Variants in RELN observed in about 807,000 individuals in gnomAD.
RELN encodes the protein reelin.
A neutral mutation model predicts 427.6 loss-of-function variants in RELN; 108 were observed. The ratio of observed to expected loss-of-function variants is 0.25; its 90% CI spans 0.22 to 0.30. The LOEUF is 0.30. RELN is among the 10% of genes least tolerant of loss of function. The pLI, the probability that RELN is intolerant of heterozygous loss-of-function variation, is 1.00. For missense variants in RELN, 3,715 were observed against 4,302.8 expected (o/e 0.86, Z 3.82); for synonymous variants, 1,524 against 1,513.4 (o/e 1.01, Z -0.16).
chr7:103,930,197 A>G (rs1563097067), intron 1 of RELN, among the ~76,000 whole-genome samples: 1 of 152,152 alleles, frequency 6.6e-6, no homozygotes. Context: ...CTCCTCAGCT[A>G]GCAGACGTCC....
chr7:103,521,966 T>C (rs1829717864), intron 48 of RELN, 56 bp downstream of exon 48: 2 of 1,564,620 alleles, frequency 1.3e-6, no homozygotes, highest in South Asian at 1.1e-5. Context: ...GAGAGTCAAC[T>C]ATTTGGAAGG....
At position 103,561,324 on chromosome 7, in the gene RELN, C is replaced by G. The variant is rs75392138; in HGVS notation, c.5529+208G>C. 0.015 allele frequency among the ~76,000 whole-genome samples: 2,208 copies of G among 152,094 alleles called. 46 individuals are homozygous for G. The highest frequency in any genetic ancestry group is 0.05 in the African/African-American group (2,062 of 41,464). ...CAGGAAGTAAGGAAGGTCTGATCAC[C>G]AAAGCAGAGGAGAAATTTTATGCCC... On this transcript the variant is annotated intron_variant, in intron 36 of 64. Coordinates refer to ENST00000428762, the MANE Select transcript of RELN (RefSeq NM_005045.4).
At chr7:103,933,654 C>T (rs961746365) in intron 1 of RELN, among the ~76,000 whole-genome samples, 10 of 152,024 alleles carry the variant, frequency 6.6e-5, no homozygotes, top group African/African-American at 1.7e-4. Flanking sequence ...TAGTTAGAGA[C>T]GGGTCCATCA....
chr7:103,729,848 G>A (rs1417250593), intron 6 of RELN, among the ~76,000 whole-genome samples: 1 of 151,998 alleles, frequency 6.6e-6, no homozygotes, highest in Non-Finnish European at 1.5e-5. Context: ...AGTGTTAGCT[G>A]TTATTATTGC....
At chr7:103,845,528 C>T (rs770283786) in intron 2 of RELN, among the ~76,000 whole-genome samples, 2 of 152,166 alleles carry the variant, frequency 1.3e-5, no homozygotes, top group Non-Finnish European at 2.9e-5. Flanking sequence ...TGGCTGCTGT[C>T]ATATCTGTAA....
intron 4 of RELN, among the ~76,000 whole-genome samples, chr7:103,762,174 G>T (rs2116136137): frequency 6.6e-6 from 1 of 152,220 alleles, no homozygotes; most frequent in Non-Finnish European, 1.5e-5. Flanking sequence ...TAAAGGAATG[G>T]GCATGCTTCC....
chr7:103,750,440 T>A lies in RELN; in HGVS notation c.578-936A>T, dbSNP rs141893862. On this transcript the variant is annotated intron_variant, in intron 5 of 64. Coordinates refer to ENST00000428762, the MANE Select transcript of RELN (RefSeq NM_005045.4). The stretch of plus-strand genomic sequence containing the variant: ...TGTGGGTCAATTAAACCTCTTTCTT[T>A]TAAAAATAACCCAGTCTTGGGTATG... Among the ~76,000 whole-genome samples, 1,072 of 152,306 alleles carry A rather than the reference T, an allele frequency of 7.0e-3. 17 individuals carry two copies. The highest frequency in any genetic ancestry group is 0.025 in the African/African-American group (1,024 of 41,554).
intron 17 of RELN, among the ~76,000 whole-genome samples, chr7:103,639,491 C>T (rs1169883442): frequency 6.6e-6 from 1 of 151,446 alleles, no homozygotes; most frequent in African/African-American, 2.4e-5. Context: ...CCTCTACCTC[C>T]CGGGTTCAGG....
chr7:103,693,573 A>G (rs887624321), intron 10 of RELN, among the ~76,000 whole-genome samples: 2 of 149,454 alleles, frequency 1.3e-5, no homozygotes, highest in African/African-American at 4.9e-5. Context: ...TAAAGGATGA[A>G]AAAAGGTAAA....
In RELN at chr7:103,489,903, A is replaced by C. The variant is rs768402555; in HGVS notation, c.9606-4T>G. ...GATCCAGCGGAACTGTGTTGCACTGAAAGAACCACAGAGAGCAGAAGGGAT... is the reference window on the plus strand; with the variant it reads ...GATCCAGCGGAACTGTGTTGCACTGCAAGAACCACAGAGAGCAGAAGGGAT... On this transcript the variant is annotated splice_region_variant and splice_polypyrimidine_tract_variant and intron_variant, in intron 59 of 64. Coordinates refer to ENST00000428762, the MANE Select transcript of RELN (RefSeq NM_005045.4). 2.5e-6 allele frequency: 4 copies of C among 1,614,084 alleles called. No homozygotes were observed. In the Admixed American group the frequency reaches 6.7e-5, roughly 27 times the overall value.
At chr7:103,478,916 G>C (rs2116963795) in intron 63 of RELN, among the ~76,000 whole-genome samples, 1 of 152,266 alleles carries the variant, frequency 6.6e-6, no homozygotes, top group Admixed American at 6.5e-5. Context: ...ACAGTATCTT[G>C]ATAATGAAGA....
chr7:103,553,392 T>C, intron 40 of RELN, 69 bp downstream of exon 40: 3 of 1,161,986 alleles, frequency 2.6e-6, no homozygotes, highest in Non-Finnish European at 2.6e-6. Context: ...ATCTGAGATT[T>C]TCCTCCCCTT....
chr7:103,647,184 A>G (rs1168474811), intron 16 of RELN, among the ~76,000 whole-genome samples: 1 of 152,060 alleles, frequency 6.6e-6, no homozygotes, highest in African/African-American at 2.4e-5. Flanking sequence ...CTCCTATTCA[A>G]TATAGTAATG....
intron 11 of RELN, among the ~76,000 whole-genome samples, chr7:103,674,169 C>CTGA (rs1833458515): frequency 6.6e-6 from 1 of 150,706 alleles, no homozygotes; most frequent in Admixed American, 6.6e-5. Context: ...TCTGCCTATA[C>CTGA]TGATATTCAG....
At chr7:103,755,748 G>A (rs1418899279) in intron 4 of RELN, among the ~76,000 whole-genome samples, 9 of 2,020 alleles carry the variant, frequency 4.5e-3, no homozygotes, top group Non-Finnish European at 0.015. Context: ...CTTGGGAAGC[G>A]GACTTGCAGT....
chr7:103,974,021 T>C (rs576104464), intron 1 of RELN, among the ~76,000 whole-genome samples: 1 of 152,174 alleles, frequency 6.6e-6, no homozygotes, highest in Non-Finnish European at 1.5e-5. Context: ...TGCATGCCTG[T>C]AATCCCAGCT....
intron 6 of RELN, among the ~76,000 whole-genome samples, chr7:103,744,696 C>T (rs1341760604): frequency 6.6e-6 from 1 of 152,152 alleles, no homozygotes; most frequent in African/African-American, 2.4e-5. Context: ...ACACATACAT[C>T]CTCCCAAGAC....
At chr7:103,786,038 G>C (rs1184118399) in intron 3 of RELN, among the ~76,000 whole-genome samples, 2 of 151,760 alleles carry the variant, frequency 1.3e-5, no homozygotes, top group African/African-American at 4.8e-5. Context: ...GGACAGTAAT[G>C]GTGTTTTCCT....
intron 10 of RELN, 87 bp downstream of exon 10, chr7:103,697,766 A>C: frequency 1.3e-6 from 2 of 1,586,256 alleles, no homozygotes; most frequent in Non-Finnish European, 1.7e-6. Flanking sequence ...TAAAATAGCT[A>C]TCTTTATACA....
Sources: gnomAD v4.1 joint callset for allele counts (sites outside exome capture counted in the v4.1 genomes callset) on GRCh38, gnomAD v4.1.1 for gene constraint, MANE v1.5 for transcripts, NCBI Gene and HGNC (gene_info 2026-07-23, HGNC 2026-07-21) for gene names.